Variants in STYX observed in about 807,000 individuals in gnomAD.
The protein encoded by STYX is serine/threonine/tyrosine-interacting protein.
A neutral mutation model predicts 42.7 loss-of-function variants in STYX; 20 were observed. The observed-to-expected ratio is 0.47, with a 90% CI of 0.33 to 0.68. The LOEUF (loss-of-function observed/expected upper bound fraction) is 0.68, where lower values mean the gene tolerates loss of function less well. Among genes scored for constraint, STYX ranks in the 30% least tolerant of loss-of-function variants. STYX has a pLI of 0.02. For synonymous variants in STYX, 78 were observed against 81.9 expected (o/e 0.95, Z 0.26); for missense variants, 226 against 268.5 (o/e 0.84, Z 1.11).
intron 10 of STYX, among the ~76,000 whole-genome samples, chr14:52,769,672 T>C (rs777968905): frequency 6.6e-6 from 1 of 151,330 alleles, no homozygotes; most frequent in Non-Finnish European, 1.5e-5. Context: ...TTGCCACATC[T>C]GTCTAATAAT....
At chr14:52,730,732 G>T (rs1252581426) in intron 1 of STYX, among the ~76,000 whole-genome samples, 2 of 152,238 alleles carry the variant, frequency 1.3e-5, no homozygotes, top group African/African-American at 2.4e-5. Flanking sequence ...GAGGGGCAGC[G>T]TCTGGTGTAC....
At chr14:52,747,110 C>G (rs1372240318) in intron 3 of STYX, among the ~76,000 whole-genome samples, 2 of 152,160 alleles carry the variant, frequency 1.3e-5, no homozygotes, top group African/African-American at 4.8e-5. Context: ...TTTCTGGTCC[C>G]TGGCATTTTA....
chr14:52,768,899 A>G lies in STYX; in HGVS notation c.564A>G (p.Ile188Met). 6.2e-7 allele frequency: 1 copy of G among 1,604,002 alleles called. No individual in the cohort carries two copies. Among genetic ancestry groups the G allele is most frequent in the Non-Finnish European group, 8.5e-7 (1 of 1,175,924 alleles). ...TACAGATGATGTCACCACTCCAGAT[A>G]GAAAGGTCATTATCTGTTCATTCTG... is the stretch of plus-strand genomic sequence containing the variant. The part of the protein sequence containing the change: ...LTIQMMSPLQ[I>M]ERSLSVHSGT... The change falls in exon 10 of 11, where the codon ATA becomes ATG. Residue 188 changes from isoleucine (I) to methionine (M), a missense_variant. Coordinates refer to ENST00000354586, the MANE Select transcript of STYX (RefSeq NM_145251.4).
Position 52,730,468 on chromosome 14 carries a change from C to CA in STYX, c.-6dup. 7 of 1,613,572 alleles carry CA rather than the reference C, an allele frequency of 4.3e-6. No individual in the cohort carries two copies. Among genetic ancestry groups the CA allele is most frequent in the Non-Finnish European group, 5.1e-6 (6 of 1,179,818 alleles). On this transcript the variant is annotated 5_prime_UTR_variant, in exon 1 of 11. Transcript: ENST00000354586. ...CCACCCCACCCACCAGCCCGCGGGC[C>CA]AGCACCATGGAGGACGTGAAGCTGG...
intron 3 of STYX, 106 bp from the exon 4 acceptor site, chr14:52,750,577 G>A (rs1881571098): frequency 1.4e-6 from 1 of 727,610 alleles, no homozygotes; most frequent in Non-Finnish European, 2.2e-6. Flanking sequence ...AAGCAGAGAT[G>A]TGGGTTCTGT....
intron 1 of STYX, among the ~76,000 whole-genome samples, chr14:52,742,603 A>G (rs1881235388): frequency 6.6e-6 from 1 of 152,200 alleles, no homozygotes; most frequent in African/African-American, 2.4e-5. Context: ...AAAGATTTAG[A>G]AAAGGCATTT....
intron 4 of STYX, among the ~76,000 whole-genome samples, chr14:52,755,042 G>A (rs898272666): frequency 1.3e-5 from 2 of 151,538 alleles, no homozygotes; most frequent in East Asian, 1.9e-4. Context: ...AGTCATTGTC[G>A]AAATCCTTGT....
intron 4 of STYX, among the ~76,000 whole-genome samples, chr14:52,754,235 T>C (rs1314418138): frequency 2.0e-5 from 3 of 151,392 alleles, no homozygotes; most frequent in Non-Finnish European, 4.4e-5. Context: ...TTTTCAAAGA[T>C]AGGATCTTTC....
At chr14:52,738,492 A>C (rs577682056) in intron 1 of STYX, among the ~76,000 whole-genome samples, 3 of 152,288 alleles carry the variant, frequency 2.0e-5, no homozygotes, top group African/African-American at 7.2e-5. Context: ...TGTTTGTTTT[A>C]ATATAAAAAT....
At chr14:52,745,142 C>T (rs943631557) in intron 2 of STYX, among the ~76,000 whole-genome samples, 31 of 123,812 alleles carry the variant, frequency 2.5e-4, no homozygotes, top group African/African-American at 7.7e-4. Flanking sequence ...TTTTTTGAAA[C>T]AGAGTTTCGC....
intron 9 of STYX, among the ~76,000 whole-genome samples, chr14:52,762,443 G>A (rs1203023257): frequency 6.6e-6 from 1 of 152,146 alleles, no homozygotes; most frequent in African/African-American, 2.4e-5. Flanking sequence ...TCCTAATATT[G>A]AATCATCCTT....
chr14:52,743,915 A>G (rs572214313), intron 1 of STYX, among the ~76,000 whole-genome samples: 1 of 152,184 alleles, frequency 6.6e-6, no homozygotes, highest in Admixed American at 6.5e-5. Context: ...TCTGCCTCCC[A>G]GGCTCAAGCG....
intron 10 of STYX, among the ~76,000 whole-genome samples, chr14:52,770,634 G>A (rs540263902): frequency 9.9e-5 from 15 of 152,082 alleles, no homozygotes; most frequent in African/African-American, 3.4e-4. Flanking sequence ...AAAGCAAAAA[G>A]ATTATCTACA....
intron 9 of STYX, among the ~76,000 whole-genome samples, chr14:52,760,275 A>C (rs1019371880): frequency 6.6e-6 from 1 of 152,200 alleles, no homozygotes; most frequent in African/African-American, 2.4e-5. Context: ...CACATTATCA[A>C]ATCTAAAGTA....
intron 9 of STYX, among the ~76,000 whole-genome samples, chr14:52,760,721 T>C (rs1368095589): frequency 1.3e-5 from 2 of 152,222 alleles, no homozygotes; most frequent in African/African-American, 4.8e-5. Flanking sequence ...CCTGTTCATG[T>C]AAAATGTTTG....
intron 10 of STYX, 52 bp downstream of exon 10, chr14:52,768,985 T>A (rs1882412075): frequency 7.3e-7 from 1 of 1,364,116 alleles, no homozygotes. Flanking sequence ...TAATGAAAGG[T>A]GGAGAACTTG....
At chr14:52,756,021 A>G (rs933226558) in intron 4 of STYX, among the ~76,000 whole-genome samples, 2 of 152,114 alleles carry the variant, frequency 1.3e-5, no homozygotes, top group African/African-American at 4.8e-5. Flanking sequence ...TGCAAATAAA[A>G]TATGTATTTA....
chr14:52,753,532 C>G (rs1043018030), intron 4 of STYX, among the ~76,000 whole-genome samples: 1 of 152,042 alleles, frequency 6.6e-6, no homozygotes, highest in Non-Finnish European at 1.5e-5. Flanking sequence ...GGGGGATTGC[C>G]TCCAGGAACC....
chr14:52,764,904 T>C (rs1379535373), intron 9 of STYX, among the ~76,000 whole-genome samples: 2 of 152,032 alleles, frequency 1.3e-5, no homozygotes, highest in African/African-American at 4.8e-5. Context: ...CCTGAGATCA[T>C]GTGATCCACC....
Sources: allele counts gnomAD v4.1 joint callset (sites outside exome capture counted in the v4.1 genomes callset), GRCh38; gene constraint gnomAD v4.1.1; transcripts MANE v1.5; gene names NCBI Gene and HGNC (gene_info 2026-07-23, HGNC 2026-07-21).